The following DNAH5 variants were observed in gnomAD, a reference collection of about 807,000 sequenced individuals.
DNAH5 encodes the protein axonemal beta dynein heavy chain 5.
A neutral mutation model predicts 518.2 loss-of-function variants in DNAH5; 372 were observed. The ratio of observed to expected loss-of-function variants is 0.72; its 90% CI spans 0.66 to 0.78. DNAH5 has a LOEUF of 0.78. Ranked by LOEUF, DNAH5 falls within the 30% of genes least tolerant of loss-of-function variation. DNAH5 has a pLI of 0.00. For missense variants in DNAH5, 5,523 were observed against 5,687.0 expected, an observed-to-expected ratio of 0.97 and a Z score of 0.93; for synonymous variants, 2,039 against 2,025.9, an observed-to-expected ratio of 1.01 and a Z score of -0.17.
intron 47 of DNAH5, among the ~76,000 whole-genome samples, chr5:13,798,775 T>C (rs1758257735): frequency 6.7e-6 from 1 of 150,150 alleles, no homozygotes; most frequent in South Asian, 2.1e-4. Context: ...TTTATTTATT[T>C]ATTTATTTAT....
At chr5:13,914,675 A>C in intron 9 of DNAH5, 33 bp from the exon 10 acceptor site, 1 of 1,608,098 alleles carries the variant, frequency 6.2e-7, no homozygotes, top group Non-Finnish European at 8.5e-7. Context: ...TGTTAAGCAC[A>C]TAAAACAGCC....
In DNAH5 at chr5:13,914,691, T is replaced by A. The variant is rs553340980; in HGVS notation, c.1198-49A>T. The A allele has an allele frequency of 2.5e-6, 4 of 1,587,586 alleles. No individual in the cohort carries two copies. The East Asian group carries it at 9.0e-5, about 36-fold the overall frequency. On this transcript the variant is annotated intron_variant, in intron 9 of 78. Coordinates refer to ENST00000265104, the MANE Select transcript of DNAH5 (RefSeq NM_001369.3). ...GTTAAGCACATAAAACAGCCATGGA[T>A]TGTAAACTGGACTAGAAGGTCCTTA... is the stretch of plus-strand genomic sequence containing the variant.
chr5:14,008,634 A>AG (rs1349307379), intron 1 of DNAH5, among the ~76,000 whole-genome samples: 28 of 148,192 alleles, frequency 1.9e-4, no homozygotes, highest in African/African-American at 6.8e-4. Context: ...ACTCTGTCTC[A>AG]AAAAAAAAAG....
At position 13,986,578 on chromosome 5, in the gene DNAH5, A is replaced by G. The variant is rs1581116057; in HGVS notation, c.12+25070T>C. On this transcript the variant is annotated intron_variant, in intron 1 of 78. Transcript: ENST00000681290. ...ACAAACAAAGCCAGTCTTCAGAAAGACAGGAACAAGAATGATGCAGACACA... is the reference window on the plus strand; with the variant it reads ...ACAAACAAAGCCAGTCTTCAGAAAGGCAGGAACAAGAATGATGCAGACACA... 2.0e-5 allele frequency among the ~76,000 whole-genome samples: 3 copies of G among 152,296 alleles called. No homozygotes were observed. The Middle Eastern group carries it at 0.01, about 518-fold the overall frequency.
At chr5:13,824,841 C>T (rs2151825202) in intron 38 of DNAH5, among the ~76,000 whole-genome samples, 1 of 152,204 alleles carries the variant, frequency 6.6e-6, no homozygotes, top group Admixed American at 6.5e-5. Context: ...AGGATAAGGA[C>T]AAATTAGAAA....
At chr5:13,864,770 C>T (rs1304961228) in intron 27 of DNAH5, 133 bp from the exon 28 acceptor site, 2 of 1,003,302 alleles carry the variant, frequency 2.0e-6, no homozygotes, top group Non-Finnish European at 3.1e-6. Flanking sequence ...CCATGACTTG[C>T]AGGCTGTCTG....
In DNAH5 at chr5:13,753,246, C is replaced by T. The variant is rs547014532; in HGVS notation, c.10859G>A (p.Arg3620Gln). 29 of 1,613,342 alleles carry T rather than the reference C, an allele frequency of 1.8e-5. No individual in the cohort carries two copies. The highest frequency in any genetic ancestry group is 5.0e-5 in the Admixed American group (3 of 60,006). ...GKIWIKNKES[R>Q]NELQITSLNH... Reference sequence around the variant, plus strand: ...AACACAAATTACCTGGAGTTCATTTCGGCTTTCTTTATTTTTAATCCAGAT... The same window carrying T: ...AACACAAATTACCTGGAGTTCATTTTGGCTTTCTTTATTTTTAATCCAGAT... The change falls in exon 63 of 79, where the codon CGA becomes CAA. Residue 3620 changes from arginine to glutamine, a missense_variant. Arg to Gln is a conservative substitution (Grantham distance 43). Around this residue, in one of 3 missense-constraint regions of DNAH5, gnomAD observed 5,121 missense variants for 5,223.3 expected, o/e 0.98. Coordinates refer to ENST00000265104, the MANE Select transcript of DNAH5 (RefSeq NM_001369.3).
intron 1 of DNAH5, among the ~76,000 whole-genome samples, chr5:13,933,175 T>C (rs552628520): frequency 4.8e-4 from 73 of 152,240 alleles, no homozygotes; most frequent in Middle Eastern, 3.4e-3. Context: ...GATATAGACA[T>C]AGGCACATAT....
At chr5:13,731,510 T>C (rs921526708) in intron 68 of DNAH5, among the ~76,000 whole-genome samples, 2 of 152,168 alleles carry the variant, frequency 1.3e-5, no homozygotes, top group Non-Finnish European at 2.9e-5. Context: ...ATAGTGATTG[T>C]AACTTGGGGG....
intron 66 of DNAH5, among the ~76,000 whole-genome samples, chr5:13,737,039 A>G (rs1747581832): frequency 6.6e-6 from 1 of 152,210 alleles, no homozygotes; most frequent in Non-Finnish European, 1.5e-5. Context: ...GGATTTACCA[A>G]CTAACATGAA....
At chr5:14,005,430 G>A (rs934994686) in intron 1 of DNAH5, among the ~76,000 whole-genome samples, 2 of 152,072 alleles carry the variant, frequency 1.3e-5, no homozygotes, top group African/African-American at 4.8e-5. Flanking sequence ...AACATCACAG[G>A]AACACAAAAA....
chr5:13,776,841 G>T, intron 54 of DNAH5, 135 bp from the exon 55 acceptor site: 2 of 955,674 alleles, frequency 2.1e-6, no homozygotes, highest in Non-Finnish European at 3.2e-6. Context: ...AAGTTTTCAA[G>T]ATGAAATACA....
In DNAH5 at chr5:13,865,565, G is replaced by A. The variant is rs532143106; in HGVS notation, c.4355+103C>T. The A allele has an allele frequency of 6.3e-6, 5 of 796,948 alleles. No homozygotes were observed. In the East Asian group the frequency reaches 1.2e-4, roughly 19 times the overall value. 49.4% of individuals were successfully genotyped at this position (796,948 alleles called of 1,614,324 possible). On this transcript the variant is annotated intron_variant, in intron 27 of 78. Transcript: ENST00000265104. ...ATGGACAAGAACAATGCAGCAAGAT[G>A]TGCTTTTGAAATAGCTGGGGTGAAA...
rs755793521 is a variant in DNAH5, at chr5:13,758,860, T to G, written c.10405A>C (p.Met3469Leu). Residue 3469 changes from methionine to leucine, a missense_variant, in exon 61 of 79, where the codon ATG becomes CTG. Met to Leu is a conservative substitution (Grantham distance 15, BLOSUM62 2). This residue lies in a region of DNAH5 where 5,121 missense variants were observed against 5,223.3 expected (regional missense o/e 0.98). Transcript: ENST00000265104. ...AGGGCAGTTACCTGCTTTTCAGTCA[T>G]GGCCTGTTCATACTCAGCCTGCACC... ...DVVQAEYEQA[M>L]TEKQTLLEDA... 8 of 1,614,212 alleles carry G rather than the reference T, an allele frequency of 5.0e-6. No individual in the cohort carries two copies. The highest frequency in any genetic ancestry group is 6.8e-6 in the Non-Finnish European group (8 of 1,180,012).
chr5:13,810,587 A>C, intron 44 of DNAH5: 1 of 155,368 alleles, frequency 6.4e-6, no homozygotes, highest in Non-Finnish European at 1.3e-5. Flanking sequence ...AAAAATACAA[A>C]AAAAAAAAAA....
chr5:13,702,956 C>G (rs1742313393), intron 76 of DNAH5, among the ~76,000 whole-genome samples: 1 of 151,870 alleles, frequency 6.6e-6, no homozygotes, highest in Non-Finnish European at 1.5e-5. Context: ...CTGTAGGCTG[C>G]CCTCTCTGTG....
chr5:13,920,024 T>C (rs1177419604), intron 6 of DNAH5, among the ~76,000 whole-genome samples: 2 of 152,250 alleles, frequency 1.3e-5, no homozygotes, highest in Non-Finnish European at 1.5e-5. Flanking sequence ...TGGAGGAACA[T>C]GGCCTTGTTA....
chr5:13,876,355 C>G (rs965929270), intron 22 of DNAH5, among the ~76,000 whole-genome samples: 4 of 152,142 alleles, frequency 2.6e-5, no homozygotes, highest in Non-Finnish European at 4.4e-5. Flanking sequence ...GTTAGTATCA[C>G]TGGTTCTTTG....
chr5:13,767,901 A>G (rs1035514160), intron 58 of DNAH5, among the ~76,000 whole-genome samples: 2 of 152,226 alleles, frequency 1.3e-5, no homozygotes, highest in Non-Finnish European at 2.9e-5. Context: ...AGGAAGAGAC[A>G]CATTCTTTGC....
Sources: allele counts gnomAD v4.1 joint callset (sites outside exome capture counted in the v4.1 genomes callset), GRCh38; gene constraint gnomAD v4.1.1; regional missense constraint gnomAD v4.1.1; transcripts MANE v1.5; gene names NCBI Gene and HGNC (gene_info 2026-07-23, HGNC 2026-07-21).